The following TNKS1BP1 variants were observed in gnomAD, a reference collection of about 807,000 sequenced individuals.
The protein encoded by TNKS1BP1 is 182 kDa tankyrase-1-binding protein.
In TNKS1BP1, 48 loss-of-function variants were observed where a neutral mutation model predicts 141.1. That is an observed-to-expected ratio of 0.34 (90% CI 0.27 to 0.43). The LOEUF (loss-of-function observed/expected upper bound fraction) is 0.43. Among genes scored for constraint, TNKS1BP1 ranks in the 20% least tolerant of loss-of-function variants. The pLI is 1.00. For synonymous variants in TNKS1BP1, 875 were observed against 898.2 expected (o/e 0.97, Z 0.46); for missense variants, 2,149 against 2,226.0 (o/e 0.97, Z 0.70).
At chr11:57,311,675 C>A (rs571377855) in intron 5 of TNKS1BP1, among the ~76,000 whole-genome samples, 62 of 152,350 alleles carry the variant, frequency 4.1e-4, no homozygotes, top group Non-Finnish European at 6.6e-4. Context: ...CCGCCCCTTG[C>A]AGCCCAGGCC....
At chr11:57,318,658 A>C (rs1367669725) in intron 3 of TNKS1BP1, among the ~76,000 whole-genome samples, 3 of 152,236 alleles carry the variant, frequency 2.0e-5, no homozygotes, top group African/African-American at 7.2e-5. Context: ...AGCACTAAGG[A>C]CAGCCTCTGT....
At position 57,320,481 on chromosome 11, in the gene TNKS1BP1, G is replaced by C. The variant is rs145280114; in HGVS notation, c.326C>G (p.Thr109Ser). 1.4e-5 allele frequency: 22 copies of C among 1,608,700 alleles called. No individual in the cohort carries two copies. Among genetic ancestry groups the C allele is most frequent in the Non-Finnish European group, 1.9e-5 (22 of 1,176,212 alleles). The part of the protein sequence containing the change: ...FAPRPAVEAS[T>S]GGEATQETGK... ...AGTCTCTTGGGTGGCTTCTCCTCCA[G>C]TGGAGGCCTCAACCGCAGGCCTTGG... The change falls in exon 3 of 12, where the codon ACT becomes AGT. Residue 109 changes from threonine to serine, a missense_variant. Physicochemically the swap from Thr to Ser is moderately conservative, Grantham distance 58. Transcript: ENST00000358252.
chr11:57,323,221 C>A (rs942484297), intron 1 of TNKS1BP1, among the ~76,000 whole-genome samples: 1 of 152,096 alleles, frequency 6.6e-6, no homozygotes, highest in Non-Finnish European at 1.5e-5. Flanking sequence ...TCTTCCCTGA[C>A]CCCAGGCTAC....
intron 4 of TNKS1BP1, among the ~76,000 whole-genome samples, chr11:57,317,182 G>A (rs1034600651): frequency 5.9e-5 from 9 of 152,168 alleles, no homozygotes; most frequent in Admixed American, 6.5e-5. Flanking sequence ...CCTAACAGGC[G>A]CTCAGTCACT....
At chr11:57,319,856 A>G (rs2134373320) in intron 3 of TNKS1BP1, among the ~76,000 whole-genome samples, 1 of 152,320 alleles carries the variant, frequency 6.6e-6, no homozygotes, top group African/African-American at 2.4e-5. Context: ...CAACTCTGTA[A>G]AGAAAACTAC....
At position 57,313,375 on chromosome 11, in the gene TNKS1BP1, T is replaced by C. The variant is rs754410548; in HGVS notation, c.1313A>G (p.Gln438Arg). Residue 438 changes from glutamine (Q) to arginine (R), a missense_variant, in exon 5 of 12, where the codon CAG becomes CGG. By Grantham distance (43) the Gln-to-Arg change is conservative. Transcript: ENST00000358252. ...CGAGCCCCCCAGCTTCTCCTGGTCC[T>C]GACTGGGTGACTGGAGCACACCTTC... ...FSEGVLQSPS[Q>R]DQEKLGGSLA... is the part of the protein sequence containing the mutation. 9 of 1,612,548 alleles carry C rather than the reference T, an allele frequency of 5.6e-6. No individual in the cohort carries two copies. The highest frequency in any genetic ancestry group is 7.6e-6 in the Non-Finnish European group (9 of 1,179,630).
Position 57,301,853 on chromosome 11 carries a change from C to T in TNKS1BP1, c.4925G>A (p.Gly1642Glu), listed in dbSNP as rs1338037960. The change falls in exon 9 of 12, where the codon GGG becomes GAG. Residue 1642 changes from glycine (G) to glutamate (E), a missense_variant. Gly to Glu is a moderately conservative substitution (Grantham distance 98). Coordinates refer to ENST00000358252, the MANE Select transcript of TNKS1BP1 (RefSeq NM_033396.3). ...RRTRMSLGTK[G>E]LKVNLFPGLS... Reference sequence around the variant, plus strand: ...GCCAGGAAAGAGGTTGACTTTCAGCCCCTTGGTGCCCAACGACATCCGTGT... The same window carrying T: ...GCCAGGAAAGAGGTTGACTTTCAGCTCCTTGGTGCCCAACGACATCCGTGT... 6.2e-7 allele frequency: 1 copy of T among 1,614,038 alleles called. No homozygotes were observed. Among genetic ancestry groups the T allele is most frequent in the Non-Finnish European group, 8.5e-7 (1 of 1,180,028 alleles).
intron 8 of TNKS1BP1, 41 bp from the exon 9 acceptor site, chr11:57,301,984 C>A (rs1855531300): frequency 5.6e-6 from 9 of 1,609,908 alleles, no homozygotes; most frequent in African/African-American, 1.3e-5. Flanking sequence ...AGGCAGCACA[C>A]CCAGACTCCC....
chr11:57,317,777 T>C, intron 4 of TNKS1BP1, 41 bp downstream of exon 4: 1 of 1,595,668 alleles, frequency 6.3e-7, no homozygotes, highest in Non-Finnish European at 8.6e-7. Context: ...CTTCCAGCTC[T>C]AAAATACGTG....
intron 6 of TNKS1BP1, among the ~76,000 whole-genome samples, chr11:57,304,135 A>C (rs1028037102): frequency 2.0e-5 from 3 of 151,538 alleles, no homozygotes; most frequent in Non-Finnish European, 4.4e-5. Context: ...CCCCCACCCC[A>C]CACACACACA....
intron 1 of TNKS1BP1, among the ~76,000 whole-genome samples, chr11:57,324,207 TAG>T (rs1443212531): frequency 6.6e-6 from 1 of 152,048 alleles, no homozygotes; most frequent in Non-Finnish European, 1.5e-5. Context: ...GATCCGAGGC[TAG>T]AGAGGTCGGC....
rs1207284616 is a variant in TNKS1BP1 at position 57,309,302 on chromosome 11, A to C, written c.3409T>G (p.Phe1137Val). The change falls in exon 6 of 12, where the codon TTT becomes GTT. Residue 1137 changes from phenylalanine (F) to valine (V), a missense_variant. Phe to Val is a conservative substitution (Grantham distance 50, BLOSUM62 -1). Transcript: ENST00000358252. This position sits in a 1 kb window ranked among gnomAD's most constrained non-coding sequence, Gnocchi z 4.3. Reference protein sequence around the residue: ...IGNDRVSGAGFSPSSKMEGGH... With the variant: ...IGNDRVSGAGVSPSSKMEGGH... ...CCTTCCATCTTGCTAGAAGGGCTAAAGCCAGCACCACTCACTCTGTCGTTG... is the reference window on the plus strand; with the variant it reads ...CCTTCCATCTTGCTAGAAGGGCTAACGCCAGCACCACTCACTCTGTCGTTG... 5.0e-6 allele frequency: 8 copies of C among 1,614,046 alleles called. No homozygotes were observed. The highest frequency in any genetic ancestry group is 1.3e-5 in the African/African-American group (1 of 74,924).
intron 6 of TNKS1BP1, among the ~76,000 whole-genome samples, chr11:57,304,547 G>A (rs370949017): frequency 1.9e-4 from 29 of 152,264 alleles, no homozygotes; most frequent in East Asian, 1.4e-3. Flanking sequence ...CCTGGGGTGG[G>A]GCAAAAGAAG....
chr11:57,304,097 C>T (rs1855571154), intron 6 of TNKS1BP1, among the ~76,000 whole-genome samples: 1 of 152,118 alleles, frequency 6.6e-6, no homozygotes, highest in Non-Finnish European at 1.5e-5. Flanking sequence ...ACACCTGACA[C>T]AAACACACGC....
rs199925034 is a variant in TNKS1BP1, at chr11:57,309,899, C to T, written c.2812G>A (p.Gly938Ser). Residue 938 changes from glycine to serine, a missense_variant, in exon 6 of 12, where the codon GGC (glycine) becomes AGC (serine). Transcript: ENST00000358252. The surrounding 1 kb of genome is among the most constrained non-coding windows in gnomAD (Gnocchi z 4.3). Reference sequence around the variant, plus strand: ...TCCGCAGCCCGGCTGCCATAGGTGCCGAGTGACACATCTCTCTTCTGAAAC... The same window carrying T: ...TCCGCAGCCCGGCTGCCATAGGTGCTGAGTGACACATCTCTCTTCTGAAAC... ...WEFQKRDVSL[G>S]TYGSRAAEPQ... is the part of the protein sequence containing the mutation. 7.4e-6 allele frequency: 12 copies of T among 1,614,172 alleles called. No individual in the cohort carries two copies. In the Admixed American group the frequency reaches 1.0e-4, roughly 13 times the overall value.
At chr11:57,311,883 A>G (rs1855718142) in intron 5 of TNKS1BP1, among the ~76,000 whole-genome samples, 1 of 152,236 alleles carries the variant, frequency 6.6e-6, no homozygotes, top group East Asian at 1.9e-4. Flanking sequence ...GCTCAATGTT[A>G]ATAACGTTTG....
chr11:57,313,005 T>G lies in TNKS1BP1; in HGVS notation c.1683A>C (p.Gln561His). ...CAAGGGGAACAGCTGGGAATTGAGG[T>G]TGACTCTCCCCATCGCCCTTCTGGG... The part of the protein sequence containing the change: ...SLTQKGDGES[Q>H]PQFPAVPLEP... The change falls in exon 5 of 12, where the codon CAA becomes CAC. Residue 561 changes from glutamine to histidine, a missense_variant. Transcript: ENST00000358252. 1.9e-6 allele frequency: 3 copies of G among 1,613,870 alleles called. No homozygotes were observed. The highest frequency in any genetic ancestry group is 2.5e-6 in the Non-Finnish European group (3 of 1,180,002).
At position 57,309,495 on chromosome 11, in the gene TNKS1BP1, G is replaced by A. The variant is rs772333784; in HGVS notation, c.3216C>T (p.Gly1072=). 18 of 1,613,756 alleles carry A rather than the reference G, an allele frequency of 1.1e-5. No homozygotes were observed. The highest frequency in any genetic ancestry group is 3.3e-5 in the Admixed American group (2 of 59,998). Reference sequence around the variant, plus strand: ...TCTCCCCATCTTCCAGGTCAGCACTGCCAGGGCCCTGAGCCCCTGCCTGCT... The same window carrying A: ...TCTCCCCATCTTCCAGGTCAGCACTACCAGGGCCCTGAGCCCCTGCCTGCT... ...ERQQAGAQGP[G]SADLEDGEMG... is the part of the protein sequence containing the mutation. Residue 1072 remains glycine, a synonymous_variant, in exon 6 of 12, where the codon GGC becomes GGT. Coordinates refer to ENST00000358252, the MANE Select transcript of TNKS1BP1 (RefSeq NM_033396.3). This position sits in a 1 kb window ranked among gnomAD's most constrained non-coding sequence, Gnocchi z 4.3.
rs199971083 is a variant in TNKS1BP1, at chr11:57,309,450, G to T, written c.3261C>A (p.Val1087=). Residue 1087 remains valine (V), a synonymous_variant, in exon 6 of 12, where the codon GTC becomes GTA. Transcript: ENST00000358252. The surrounding 1 kb of genome is among the most constrained non-coding windows in gnomAD (Gnocchi z 4.3). ...EDGEMGKRGW[V]GEFSLSVGPQ... is the part of the protein sequence containing the mutation. ...GGCCAACACTGAGGCTAAACTCACC[G>T]ACCCAGCCTCGCTTTCCCATCTCCC... 1 of 1,614,038 alleles carries T rather than the reference G, an allele frequency of 6.2e-7. No individual in the cohort carries two copies. The highest frequency in any genetic ancestry group is 1.1e-5 in the South Asian group (1 of 91,070).
Sources: allele counts gnomAD v4.1 joint callset (sites outside exome capture counted in the v4.1 genomes callset), GRCh38; gene constraint gnomAD v4.1.1; non-coding constraint Gnocchi (gnomAD v3.1); transcripts MANE v1.5; gene names NCBI Gene and HGNC (gene_info 2026-07-23, HGNC 2026-07-21).